The following PREP variants were observed in gnomAD, a reference collection of about 807,000 sequenced individuals.
The protein encoded by PREP is prolyl endopeptidase.
A neutral mutation model predicts 87.6 loss-of-function variants in PREP; 29 were observed. The ratio of observed to expected loss-of-function variants is 0.33; its 90% CI spans 0.25 to 0.45. The LOEUF (loss-of-function observed/expected upper bound fraction) is 0.45. Ranked by LOEUF, PREP falls within the 20% of genes least tolerant of loss-of-function variation. The pLI is 1.00. For synonymous variants in PREP, 337 were observed against 328.6 expected (o/e 1.03, Z -0.28); for missense variants, 695 against 886.5 (o/e 0.78, Z 2.74).
intron 10 of PREP, among the ~76,000 whole-genome samples, chr6:105,308,373 CAT>C (rs749484585): frequency 4.3e-4 from 65 of 152,212 alleles, no homozygotes; most frequent in South Asian, 1.9e-3. Context: ...GATTTCCAAA[CAT>C]GTGTACACAT....
rs1358235077 is a variant in PREP at position 105,277,598 on chromosome 6, A to ATTCT, written c.*542_*545dup. 6.5e-6 allele frequency: 1 copy of ATTCT among 154,034 alleles called. No individual in the cohort carries two copies. Among genetic ancestry groups the ATTCT allele is most frequent in the Non-Finnish European group, 1.4e-5 (1 of 69,250 alleles). The allele number at this position is 154,034 out of a possible 1,614,324, so 9.5% of individuals were successfully genotyped here. ...CAACTTATTTTCAAAGCTAACAAAC[A>ATTCT]TTCTATGACTTAACTGCTTGAAAAC... is the stretch of plus-strand genomic sequence containing the variant. On this transcript the variant is annotated 3_prime_UTR_variant, in exon 15 of 15. Transcript: ENST00000652536.
At chr6:105,397,746 G>C in intron 2 of PREP, 107 bp downstream of exon 2, 1 of 872,672 alleles carries the variant, frequency 1.1e-6, no homozygotes, top group Non-Finnish European at 1.9e-6. Context: ...CCATCCCATG[G>C]CAGAAAACAC....
intron 2 of PREP, among the ~76,000 whole-genome samples, chr6:105,381,765 T>C (rs1162851727): frequency 1.3e-5 from 2 of 152,196 alleles, no homozygotes; most frequent in African/African-American, 4.8e-5. Flanking sequence ...AAGCAAAGCT[T>C]CAGTTATGCA....
intron 10 of PREP, among the ~76,000 whole-genome samples, chr6:105,296,335 A>G (rs1770410928): frequency 6.7e-6 from 1 of 150,368 alleles, no homozygotes; most frequent in South Asian, 2.1e-4. Flanking sequence ...GAAGGGTAGT[A>G]ACCTTTTTTC....
chr6:105,277,926 A>G lies in PREP; in HGVS notation c.*218T>C, dbSNP rs933515170. On this transcript the variant is annotated 3_prime_UTR_variant, in exon 15 of 15. Coordinates refer to ENST00000652536, the MANE Select transcript of PREP (RefSeq NM_002726.5). ...CTTAAAAAAAACACCAAAAAACCACATGTGCCTAGACAGGGTGGAAAAAGA... is the reference window on the plus strand; with the variant it reads ...CTTAAAAAAAACACCAAAAAACCACGTGTGCCTAGACAGGGTGGAAAAAGA... 10 of 645,254 alleles carry G rather than the reference A, an allele frequency of 1.5e-5. No individual in the cohort carries two copies. The highest frequency in any genetic ancestry group is 9.6e-5 in the Admixed American group (3 of 31,104). The allele number at this position is 645,254 out of a possible 1,614,324, so 40.0% of individuals were successfully genotyped here. A position where few individuals can be genotyped will look rare whatever the true frequency, so the allele number is the denominator to read the frequency against.
chr6:105,338,791 T>C (rs1771547447), intron 7 of PREP, among the ~76,000 whole-genome samples: 1 of 152,208 alleles, frequency 6.6e-6, no homozygotes, highest in Non-Finnish European at 1.5e-5. Context: ...TGCTCGCTGC[T>C]AGCACAGTAG....
intron 10 of PREP, among the ~76,000 whole-genome samples, chr6:105,318,122 C>T (rs1487215900): frequency 1.3e-5 from 2 of 152,234 alleles, no homozygotes; most frequent in South Asian, 2.1e-4. Flanking sequence ...CTAGTTGTCC[C>T]GCAATATCTA....
At chr6:105,395,043 T>C (rs1233159722) in intron 2 of PREP, among the ~76,000 whole-genome samples, 2 of 152,204 alleles carry the variant, frequency 1.3e-5, no homozygotes, top group East Asian at 1.9e-4. Flanking sequence ...CCTGATGAAA[T>C]AGTATCACTA....
intron 10 of PREP, among the ~76,000 whole-genome samples, chr6:105,300,483 A>G (rs187543336): frequency 1.5e-3 from 229 of 152,356 alleles, no homozygotes; most frequent in African/African-American, 5.0e-3. Context: ...ATGCTTGAGC[A>G]AATCATAAAG....
chr6:105,273,258 C>T lies in PREP; in HGVS notation c.*4886G>A, dbSNP rs771580686. 2.6e-5 allele frequency: 4 copies of T among 152,114 alleles called. No homozygotes were observed. Among genetic ancestry groups the T allele is most frequent in the Non-Finnish European group, 4.4e-5 (3 of 68,018 alleles). The allele number at this position is 152,114 out of a possible 1,614,324, so 9.4% of individuals were successfully genotyped here. ...TTTATTTCACTACCAGAGATTATTT[C>T]GATAACATTATGATTTACAAACCAT... is the stretch of plus-strand genomic sequence containing the variant. On this transcript the variant is annotated 3_prime_UTR_variant, in exon 15 of 15. Coordinates refer to ENST00000652536, the MANE Select transcript of PREP (RefSeq NM_002726.5).
At chr6:105,335,736 C>A (rs1771461236) in intron 7 of PREP, among the ~76,000 whole-genome samples, 1 of 151,656 alleles carries the variant, frequency 6.6e-6, no homozygotes, top group African/African-American at 2.4e-5. Flanking sequence ...CTAAAAAATA[C>A]AAAAAAATTA....
At chr6:105,339,752 A>C (rs1159686973) in intron 7 of PREP, among the ~76,000 whole-genome samples, 1 of 152,254 alleles carries the variant, frequency 6.6e-6, no homozygotes, top group African/African-American at 2.4e-5. Context: ...CACAAGCTTC[A>C]GTAGCCGATT....
At chr6:105,327,971 A>T (rs1054125703) in intron 9 of PREP, among the ~76,000 whole-genome samples, 1 of 152,146 alleles carries the variant, frequency 6.6e-6, no homozygotes, top group East Asian at 1.9e-4. Context: ...TTAAAAAGAG[A>T]GCTATGTTTA....
chr6:105,398,483 T>C (rs1773343345), intron 1 of PREP, among the ~76,000 whole-genome samples: 1 of 152,256 alleles, frequency 6.6e-6, no homozygotes, highest in Non-Finnish European at 1.5e-5. Context: ...CTGACTTAAA[T>C]GCAATGGCAA....
chr6:105,348,202 G>GA (rs138660414), intron 7 of PREP, among the ~76,000 whole-genome samples: 9,584 of 151,846 alleles, frequency 0.063, 361 homozygotes, highest in Middle Eastern at 0.11. Flanking sequence ...ATAAAGGAAT[G>GA]AAAAAAAGAA....
chr6:105,373,266 C>T, intron 5 of PREP, 103 bp downstream of exon 5: 2 of 1,272,042 alleles, frequency 1.6e-6, no homozygotes, highest in African/African-American at 1.5e-5. Context: ...AAACATGGTT[C>T]TGGACCACAC....
At chr6:105,281,197 T>C (rs1770073733) in intron 14 of PREP, 1 of 152,394 alleles carries the variant, frequency 6.6e-6, no homozygotes, top group Non-Finnish European at 1.5e-5. Context: ...TGGCAGAATT[T>C]AGTTTTGTGC....
In PREP at chr6:105,380,543, G is replaced by C. The variant is rs77505014; in HGVS notation, c.121-3024C>G. ...AGTTAGGAGGCTGGGACAGTGGTTC[G>C]GGTGAGAGACAAGGCCAAGAGGAAT... On this transcript the variant is annotated intron_variant, in intron 2 of 14. Transcript: ENST00000652536. Among the ~76,000 whole-genome samples the C allele has an allele frequency of 4.6e-3, 708 of 152,282 alleles. 2 individuals carry two copies. Among genetic ancestry groups the C allele is most frequent in the South Asian group, 0.015 (73 of 4,824 alleles).
intron 10 of PREP, chr6:105,302,680 A>G: frequency 2.0e-6 from 1 of 490,020 alleles, no homozygotes; most frequent in Non-Finnish European, 3.9e-6. Flanking sequence ...ATTGTGGATG[A>G]CACGGATCTT....
Sources: gnomAD v4.1 joint callset for allele counts (sites outside exome capture counted in the v4.1 genomes callset) on GRCh38, gnomAD v4.1.1 for gene constraint, MANE v1.5 for transcripts, NCBI Gene and HGNC (gene_info 2026-07-23, HGNC 2026-07-21) for gene names.